The following NOX4 variants were observed in gnomAD, a reference collection of about 807,000 sequenced individuals.
The protein encoded by NOX4 is kidney oxidase-1.
A neutral mutation model predicts 87.6 loss-of-function variants in NOX4; 69 were observed. The ratio of observed to expected loss-of-function variants is 0.79; its 90% CI spans 0.65 to 0.96. NOX4 has a LOEUF of 0.96. Ranked by LOEUF, NOX4 falls within the 40% of genes least tolerant of loss-of-function variation. NOX4 has a pLI of 0.00. For synonymous variants in NOX4, 275 were observed against 238.2 expected, an observed-to-expected ratio of 1.15 and a Z score of -1.42; for missense variants, 680 against 681.5, an observed-to-expected ratio of 1.00 and a Z score of 0.02.
intron 12 of NOX4, among the ~76,000 whole-genome samples, chr11:89,362,050 A>G (rs953024407): frequency 1.3e-5 from 2 of 152,052 alleles, no homozygotes; most frequent in African/African-American, 4.8e-5. Flanking sequence ...CTTCCCACCA[A>G]TTTGGCTGGG....
chr11:89,444,482 CACACACACACAT>C (rs1350136087), intron 4 of NOX4, among the ~76,000 whole-genome samples: 3 of 148,134 alleles, frequency 2.0e-5, no homozygotes, highest in South Asian at 2.1e-4. Flanking sequence ...CACACACACA[CACACACACACAT>C]ACACACACAC....
At chr11:89,574,794 T>C in the NOX4 span, among the ~76,000 whole-genome samples, 1 of 152,204 alleles carries the variant, frequency 6.6e-6, no homozygotes, top group Non-Finnish European at 1.5e-5. Flanking sequence ...CATTCATACA[T>C]TTAGAGATGA....
the NOX4 span, among the ~76,000 whole-genome samples, chr11:89,507,717 T>C: frequency 6.6e-6 from 1 of 151,902 alleles, no homozygotes; most frequent in South Asian, 2.1e-4. Context: ...ATTGACTCTT[T>C]TACTCTTATG....
intron 2 of NOX4, among the ~76,000 whole-genome samples, chr11:89,457,245 G>C (rs1415885673): frequency 6.6e-6 from 1 of 152,188 alleles, no homozygotes; most frequent in African/African-American, 2.4e-5. Context: ...TGCAAACAGA[G>C]CTAACTGTCC....
chr11:89,409,850 G>C (rs1260632754), intron 8 of NOX4, among the ~76,000 whole-genome samples: 1 of 152,002 alleles, frequency 6.6e-6, no homozygotes, highest in African/African-American at 2.4e-5. Context: ...ATCTAAGAGA[G>C]ATCTAATTAT....
intron 13 of NOX4, among the ~76,000 whole-genome samples, chr11:89,347,440 G>T (rs1315302116): frequency 6.6e-6 from 1 of 152,172 alleles, no homozygotes; most frequent in Non-Finnish European, 1.5e-5. Flanking sequence ...CAAGAGGCCA[G>T]GTGCTTTTTA....
chr11:89,428,769 G>C (rs1382829132), intron 7 of NOX4, among the ~76,000 whole-genome samples: 2 of 152,130 alleles, frequency 1.3e-5, no homozygotes, highest in African/African-American at 2.4e-5. Context: ...AATAATGGGA[G>C]ACTATAACAC....
At chr11:89,403,738 C>A (rs750215840) in intron 8 of NOX4, among the ~76,000 whole-genome samples, 1 of 151,926 alleles carries the variant, frequency 6.6e-6, no homozygotes, top group Non-Finnish European at 1.5e-5. Flanking sequence ...AGCGAAACTC[C>A]GTCTCAAAAA....
chr11:89,433,219 C>T (rs192996942), intron 6 of NOX4, among the ~76,000 whole-genome samples: 46 of 152,132 alleles, frequency 3.0e-4, no homozygotes, highest in African/African-American at 9.9e-4. Flanking sequence ...GCATATAATA[C>T]ATTATTGCTT....
At chr11:89,581,802 A>G in the NOX4 span, among the ~76,000 whole-genome samples, 1 of 152,170 alleles carries the variant, frequency 6.6e-6, no homozygotes, top group Non-Finnish European at 1.5e-5. Flanking sequence ...TCATGACCAC[A>G]ATCTATGCCA....
In NOX4 at chr11:89,440,726, G is replaced by GAAAAAA; in HGVS notation, c.448-17_448-12dup. On this transcript the variant is annotated splice_polypyrimidine_tract_variant and intron_variant, in intron 5 of 17. Coordinates refer to ENST00000263317, the MANE Select transcript of NOX4 (RefSeq NM_016931.5). ...AAGTTTTCTAGGATCCTGAGAAAAA[G>GAAAAAA]AAAAAAAAATAAATGATTAAAAACT... The GAAAAAA allele has an allele frequency of 6.9e-7, 1 of 1,448,336 alleles. No homozygotes were observed. Among genetic ancestry groups the GAAAAAA allele is most frequent in the African/African-American group, 1.5e-5 (1 of 68,908 alleles). The allele number at this position is 1,448,336 out of a possible 1,614,324, so 89.7% of individuals were successfully genotyped here.
intron 16 of NOX4, among the ~76,000 whole-genome samples, chr11:89,336,421 G>A (rs1945718421): frequency 6.6e-6 from 1 of 151,900 alleles, no homozygotes; most frequent in Admixed American, 6.6e-5. Flanking sequence ...TGTCATATTT[G>A]GCTCATTATA....
the NOX4 span, among the ~76,000 whole-genome samples, chr11:89,516,196 C>T: frequency 1.3e-5 from 2 of 152,034 alleles, no homozygotes; most frequent in Admixed American, 1.3e-4. Flanking sequence ...CCTGTTAGTA[C>T]TGTGCTATCA....
intron 1 of NOX4, among the ~76,000 whole-genome samples, chr11:89,497,684 A>G (rs1286897041): frequency 1.3e-5 from 2 of 152,180 alleles, no homozygotes; most frequent in Admixed American, 1.3e-4. Context: ...ATCTGTCTAT[A>G]TCTGACTAAA....
rs1013333625 is a variant in NOX4, at chr11:89,478,061, A to T, written c.153+12397T>A. 2.0e-5 allele frequency among the ~76,000 whole-genome samples: 3 copies of T among 152,302 alleles called. No individual in the cohort carries two copies. The South Asian group carries it at 6.2e-4, about 32-fold the overall frequency. On this transcript the variant is annotated intron_variant, in intron 2 of 17. Transcript: ENST00000263317. Reference sequence around the variant, plus strand: ...ATTCCAAAGATGTTTTCTGAAATAGATAAGTCTTAGCATTGTCATAAATTT... The same window carrying T: ...ATTCCAAAGATGTTTTCTGAAATAGTTAAGTCTTAGCATTGTCATAAATTT...
At chr11:89,575,719 CTTTCCTTCTT>C in the NOX4 span, among the ~76,000 whole-genome samples, 3 of 152,046 alleles carry the variant, frequency 2.0e-5, no homozygotes, top group Non-Finnish European at 4.4e-5. Context: ...TTCCTTCCTT[CTTTCCTTCTT>C]TTTCCTTCTC....
chr11:89,348,516 C>G (rs529972602), intron 13 of NOX4, among the ~76,000 whole-genome samples: 1 of 151,972 alleles, frequency 6.6e-6, no homozygotes, highest in South Asian at 2.1e-4. Flanking sequence ...ACACTGGAGG[C>G]CAAGGCAGGA....
chr11:89,358,906 C>T (rs1039373782), intron 12 of NOX4, among the ~76,000 whole-genome samples: 15 of 151,670 alleles, frequency 9.9e-5, no homozygotes, highest in Non-Finnish European at 1.8e-4. Flanking sequence ...CACAGGACTT[C>T]TTAGAAGAAA....
intron 13 of NOX4, among the ~76,000 whole-genome samples, chr11:89,352,709 T>C (rs571489286): frequency 1.3e-5 from 2 of 152,338 alleles, no homozygotes; most frequent in East Asian, 3.9e-4. Context: ...GGAGCCTGAA[T>C]ATATGATTGA....
Sources: gnomAD v4.1 joint callset for allele counts (sites outside exome capture counted in the v4.1 genomes callset) on GRCh38, gnomAD v4.1.1 for gene constraint, MANE v1.5 for transcripts, NCBI Gene and HGNC (gene_info 2026-07-23, HGNC 2026-07-21) for gene names.